Variants in LRRC72 observed in about 807,000 individuals in gnomAD.
LRRC72 encodes leucine-rich repeat-containing protein 72.
LRRC72 carries 41 observed loss-of-function variants against 35.8 expected under a neutral mutation model. The observed-to-expected ratio is 1.15, with a 90% CI of 0.89 to 1.49. LRRC72 has a LOEUF of 1.49. Ranked by LOEUF, LRRC72 falls within the 40% of genes most tolerant of loss-of-function variation. LRRC72 has a pLI of 0.00. For synonymous variants in LRRC72, 118 were observed against 119.2 expected (o/e 0.99, Z 0.07); for missense variants, 389 against 330.7 (o/e 1.18, Z -1.37).
chr7:16,565,503 T>C (rs1444658261), intron 5 of LRRC72, among the ~76,000 whole-genome samples: 1 of 152,134 alleles, frequency 6.6e-6, no homozygotes, highest in Non-Finnish European at 1.5e-5. Context: ...ATATGTTTAT[T>C]ATCATCTAGG....
rs750841606 is a variant in LRRC72, at chr7:16,527,040, C to T, written c.88C>T (p.Arg30Trp). Reference sequence around the variant, plus strand: ...CGAAACTGCCCTACAGAGCAGTCGCCGGGTAAGCGGCACCTGCCTTCCCAA... The same window carrying T: ...CGAAACTGCCCTACAGAGCAGTCGCTGGGTAAGCGGCACCTGCCTTCCCAA... Reference protein sequence around the residue: ...ASETALQSSRRAVEDQLKICG... With the variant: ...ASETALQSSRWAVEDQLKICG... The change falls in exon 1 of 9, where the codon CGG (arginine) becomes TGG (tryptophan). Residue 30 changes from arginine to tryptophan, a missense_variant and splice_region_variant. By Grantham distance (101) the Arg-to-Trp change is moderately radical. Coordinates refer to ENST00000401542, the MANE Select transcript of LRRC72 (RefSeq NM_001195280.2). 1.4e-5 allele frequency: 22 copies of T among 1,537,718 alleles called. No individual in the cohort carries two copies. The South Asian group carries it at 1.5e-4, about 11-fold the overall frequency.
At chr7:16,562,303 C>T (rs1292294269) in intron 5 of LRRC72, among the ~76,000 whole-genome samples, 3 of 152,252 alleles carry the variant, frequency 2.0e-5, no homozygotes, top group Middle Eastern at 3.4e-3. Context: ...TGTCAAAGAC[C>T]CACTTTGTGG....
At chr7:16,580,751 T>A (rs190887186) in intron 8 of LRRC72, among the ~76,000 whole-genome samples, 15 of 152,316 alleles carry the variant, frequency 9.8e-5, no homozygotes, top group African/African-American at 3.1e-4. Context: ...ATAGCAGTTA[T>A]CATGTAGATT....
intron 3 of LRRC72, among the ~76,000 whole-genome samples, chr7:16,556,138 A>G (rs561708207): frequency 6.9e-4 from 105 of 152,260 alleles, no homozygotes; most frequent in Non-Finnish European, 1.2e-3. Context: ...TTTAGCATTG[A>G]ATACCCCATA....
In LRRC72 at chr7:16,567,513, A is replaced by C. The variant is rs1239309315; in HGVS notation, c.640A>C (p.Lys214Gln). 1 of 1,499,222 alleles carries C rather than the reference A, an allele frequency of 6.7e-7. No individual in the cohort carries two copies. The highest frequency in any genetic ancestry group is 8.9e-7 in the Non-Finnish European group (1 of 1,121,982). The allele number at this position is 1,499,222 out of a possible 1,614,324, so 92.9% of individuals were successfully genotyped here. ...DASWDPKSPF[K>Q]QKPAQRVPSD... ...TTCATGGGATCCTAAATCACCATTT[A>C]AGCAAAAACCAGCCCAGAGAGTACC... Residue 214 changes from lysine (K) to glutamine (Q), a missense_variant, in exon 7 of 9, where the codon AAG becomes CAG. Coordinates refer to ENST00000401542, the MANE Select transcript of LRRC72 (RefSeq NM_001195280.2).
chr7:16,529,024 A>G (rs1263690977), intron 1 of LRRC72, among the ~76,000 whole-genome samples: 1 of 152,168 alleles, frequency 6.6e-6, no homozygotes, highest in Non-Finnish European at 1.5e-5. Context: ...GTACATATAC[A>G]TGTGTTTATA....
chr7:16,574,409 T>C (rs907661025), intron 7 of LRRC72, among the ~76,000 whole-genome samples: 18 of 152,264 alleles, frequency 1.2e-4, no homozygotes, highest in Non-Finnish European at 2.4e-4. Context: ...CAAATGCCCA[T>C]CAATGATAGA....
intron 7 of LRRC72, among the ~76,000 whole-genome samples, chr7:16,570,225 A>C (rs755527945): frequency 6.6e-6 from 1 of 152,184 alleles, no homozygotes; most frequent in Non-Finnish European, 1.5e-5. Flanking sequence ...AAATGTGTGC[A>C]TACATGAGAA....
intron 4 of LRRC72, among the ~76,000 whole-genome samples, chr7:16,558,351 G>T (rs1782686762): frequency 6.6e-6 from 1 of 152,226 alleles, no homozygotes; most frequent in African/African-American, 2.4e-5. Context: ...GCTCATGCCT[G>T]TAATCCCAGC....
intron 5 of LRRC72, among the ~76,000 whole-genome samples, chr7:16,562,224 C>A (rs12669493): frequency 1.3e-5 from 2 of 151,938 alleles, no homozygotes; most frequent in African/African-American, 4.8e-5. Context: ...TTTCCACACC[C>A]TCTCTTTCTA....
chr7:16,577,939 A>G (rs555764586), intron 7 of LRRC72, among the ~76,000 whole-genome samples: 201 of 152,276 alleles, frequency 1.3e-3, no homozygotes, highest in South Asian at 2.1e-3. Flanking sequence ...AACTCGTTCA[A>G]CTCTCTTGGA....
At chr7:16,578,605 A>G (rs991538316) in intron 7 of LRRC72, among the ~76,000 whole-genome samples, 3 of 152,262 alleles carry the variant, frequency 2.0e-5, no homozygotes, top group Non-Finnish European at 4.4e-5. Context: ...GTATATATAC[A>G]TGTATGTGTG....
intron 7 of LRRC72, among the ~76,000 whole-genome samples, chr7:16,573,681 G>A (rs1467396696): frequency 6.6e-6 from 1 of 152,120 alleles, no homozygotes; most frequent in South Asian, 2.1e-4. Flanking sequence ...TTAAATGTGA[G>A]ACCTAAAACC....
At chr7:16,565,851 T>C (rs1782829238) in intron 5 of LRRC72, among the ~76,000 whole-genome samples, 1 of 152,204 alleles carries the variant, frequency 6.6e-6, no homozygotes, top group Non-Finnish European at 1.5e-5. Context: ...AGGAAGTAAG[T>C]TCTATTAGAG....
chr7:16,531,195 G>C (rs1441077922), intron 1 of LRRC72, among the ~76,000 whole-genome samples: 3 of 148,404 alleles, frequency 2.0e-5, no homozygotes, highest in East Asian at 2.0e-4. Context: ...AAAAAAAAAA[G>C]AAAAACAAAA....
intron 3 of LRRC72, among the ~76,000 whole-genome samples, chr7:16,544,144 A>G (rs1001834305): frequency 6.6e-6 from 1 of 152,180 alleles, no homozygotes; most frequent in Non-Finnish European, 1.5e-5. Flanking sequence ...GGAATGAGAC[A>G]ACACAGTTGT....
At chr7:16,535,005 C>T (rs187575769) in intron 2 of LRRC72, among the ~76,000 whole-genome samples, 1 of 152,228 alleles carries the variant, frequency 6.6e-6, no homozygotes, top group Admixed American at 6.5e-5. Context: ...TGAGACCAGC[C>T]TGGGCAACAT....
chr7:16,569,757 G>A (rs957379591), intron 7 of LRRC72, among the ~76,000 whole-genome samples: 3 of 152,014 alleles, frequency 2.0e-5, no homozygotes, highest in Admixed American at 6.6e-5. Flanking sequence ...GTGGCCAGGC[G>A]TGGTGGCTCA....
intron 7 of LRRC72, 35 bp downstream of exon 7, chr7:16,567,578 ATGAAATT>A: frequency 1.5e-6 from 2 of 1,369,612 alleles, no homozygotes; most frequent in Non-Finnish European, 1.9e-6. Flanking sequence ...AACAAATTTA[ATGAAATT>A]AAAACTCCTC....
Sources: gnomAD v4.1 joint callset for allele counts (sites outside exome capture counted in the v4.1 genomes callset) on GRCh38, gnomAD v4.1.1 for gene constraint, MANE v1.5 for transcripts, NCBI Gene and HGNC (gene_info 2026-07-23, HGNC 2026-07-21) for gene names.